Variants in NRG3 observed in about 807,000 individuals in gnomAD.
NRG3 encodes pro-neuregulin-3, membrane-bound isoform.
Under a neutral mutation model 66.9 loss-of-function variants are expected in NRG3, and 31 were observed. That is an observed-to-expected ratio of 0.46 (90% CI 0.35 to 0.63). NRG3 has a LOEUF of 0.63. Among genes scored for constraint, NRG3 ranks in the 20% least tolerant of loss-of-function variants. The probability of loss-of-function intolerance (pLI) is 0.00; values close to 1 mark genes in which losing one functional copy is unlikely to be tolerated. For missense variants in NRG3, 910 were observed against 878.9 expected, an observed-to-expected ratio of 1.04 and a Z score of -0.45; for synonymous variants, 393 against 359.4, an observed-to-expected ratio of 1.09 and a Z score of -1.06.
At chr10:82,408,462 C>T (rs1043357342) in intron 2 of NRG3, among the ~76,000 whole-genome samples, 16 of 151,952 alleles carry the variant, frequency 1.1e-4, no homozygotes, top group Non-Finnish European at 2.4e-4. Context: ...TTAACTAGCT[C>T]ATGAAATAGA....
At chr10:82,280,141 A>G (rs1404487472) in intron 1 of NRG3, among the ~76,000 whole-genome samples, 1 of 151,948 alleles carries the variant, frequency 6.6e-6, no homozygotes, top group African/African-American at 2.4e-5. Context: ...TCAGACATCT[A>G]AGAACCTCTC....
At chr10:81,876,250 C>T in intron 1 of NRG3, 87 bp downstream of exon 1, 1 of 1,470,426 alleles carries the variant, frequency 6.8e-7, no homozygotes, top group African/African-American at 1.4e-5. Context: ...CGCCTGTTTT[C>T]TAGCAAGCCC....
At chr10:82,558,224 A>C (rs529633507) in intron 2 of NRG3, among the ~76,000 whole-genome samples, 17 of 152,286 alleles carry the variant, frequency 1.1e-4, no homozygotes, top group South Asian at 6.2e-4. Context: ...GTGAGGAAGG[A>C]GATGGCTCAG....
At chr10:82,893,815 T>G (rs1843399322) in intron 4 of NRG3, among the ~76,000 whole-genome samples, 1 of 152,106 alleles carries the variant, frequency 6.6e-6, no homozygotes, top group Non-Finnish European at 1.5e-5. Flanking sequence ...TGGCTCAGTG[T>G]AATAAACCAA....
At chr10:82,447,300 G>A (rs2090779333) in intron 2 of NRG3, among the ~76,000 whole-genome samples, 2 of 152,058 alleles carry the variant, frequency 1.3e-5, no homozygotes, top group South Asian at 4.2e-4. Flanking sequence ...CAGCAGTCGG[G>A]GAGGCCAGGC....
intron 2 of NRG3, among the ~76,000 whole-genome samples, chr10:82,515,494 T>C (rs1845570732): frequency 6.6e-6 from 1 of 152,198 alleles, no homozygotes; most frequent in Non-Finnish European, 1.5e-5. Context: ...CTCTATTGTT[T>C]CACCAGTTTT....
chr10:82,891,925 C>T (rs971918837), intron 4 of NRG3, among the ~76,000 whole-genome samples: 4 of 151,910 alleles, frequency 2.6e-5, no homozygotes, highest in Admixed American at 1.3e-4. Flanking sequence ...TCTGCTATTG[C>T]AGTAAGAAAG....
chr10:82,441,768 A>T (rs2090445434), intron 2 of NRG3, among the ~76,000 whole-genome samples: 1 of 152,200 alleles, frequency 6.6e-6, no homozygotes, highest in Non-Finnish European at 1.5e-5. Flanking sequence ...AGGGAAAGGG[A>T]ATCTTCACCA....
At chr10:82,205,541 A>G (rs1052511718) in intron 1 of NRG3, among the ~76,000 whole-genome samples, 1 of 152,226 alleles carries the variant, frequency 6.6e-6, no homozygotes, top group Admixed American at 6.5e-5. Context: ...AAGACAGTCC[A>G]GGAAGGAGGT....
chr10:81,963,189 A>C lies in NRG3; in HGVS notation c.823+87026A>C, dbSNP rs915419222. Among the ~76,000 whole-genome samples the C allele has an allele frequency of 7.0e-5, 8 of 114,938 alleles. 1 individual carries two copies. Among genetic ancestry groups the C allele is most frequent in the Non-Finnish European group, 9.8e-5 (6 of 61,014 alleles). The allele number at this position is 114,938 out of a possible 152,430, so 75.4% of individuals were successfully genotyped here. ...CGCTCTGTCGCCCAGGCTGGAGTGC[A>C]GTGGCGGGATCTCGGCTCACTGCAA... On this transcript the variant is annotated intron_variant, in intron 1 of 8. Transcript: ENST00000372141.
chr10:82,420,932 G>C (rs777082065), intron 2 of NRG3, among the ~76,000 whole-genome samples: 66 of 152,200 alleles, frequency 4.3e-4, no homozygotes, highest in Non-Finnish European at 8.2e-4. Context: ...ATGACATTCT[G>C]AAAATGTAAA....
At chr10:82,185,942 A>G (rs2133284463) in intron 1 of NRG3, among the ~76,000 whole-genome samples, 1 of 152,294 alleles carries the variant, frequency 6.6e-6, no homozygotes, top group South Asian at 2.1e-4. Context: ...GCATCTTTTT[A>G]AAAATATTAT....
intron 1 of NRG3, among the ~76,000 whole-genome samples, chr10:81,885,750 G>A (rs180832768): frequency 1.3e-5 from 2 of 152,216 alleles, no homozygotes; most frequent in Non-Finnish European, 2.9e-5. Context: ...TCAACATCCT[G>A]TAAGACTGTA....
At chr10:82,207,710 G>T (rs1046105663) in intron 1 of NRG3, among the ~76,000 whole-genome samples, 1 of 152,122 alleles carries the variant, frequency 6.6e-6, no homozygotes, top group African/African-American at 2.4e-5. Flanking sequence ...AAGGGGAAGC[G>T]GGCATAGACC....
At chr10:82,521,471 G>C (rs994717642) in intron 2 of NRG3, among the ~76,000 whole-genome samples, 3 of 152,010 alleles carry the variant, frequency 2.0e-5, no homozygotes, top group Admixed American at 1.3e-4. Context: ...CTCCCGAGTA[G>C]CTGGGACCAC....
At chr10:82,288,386 C>T (rs1387456534) in intron 1 of NRG3, among the ~76,000 whole-genome samples, 3 of 152,052 alleles carry the variant, frequency 2.0e-5, no homozygotes, top group East Asian at 1.9e-4. Context: ...ATGGGAAGGG[C>T]GCAAAGCTCA....
intron 4 of NRG3, among the ~76,000 whole-genome samples, chr10:82,891,225 T>C (rs1337542851): frequency 6.6e-6 from 1 of 151,764 alleles, no homozygotes; most frequent in African/African-American, 2.4e-5. Context: ...TTGAAAAGTA[T>C]TGATAAATAT....
intron 3 of NRG3, among the ~76,000 whole-genome samples, chr10:82,777,555 C>T (rs762786764): frequency 3.9e-5 from 6 of 152,032 alleles, no homozygotes; most frequent in Non-Finnish European, 8.8e-5. Flanking sequence ...CTTAGGCACT[C>T]CTCAGTAGCT....
chr10:82,869,701 G>T (rs1310809074), intron 4 of NRG3, among the ~76,000 whole-genome samples: 2 of 151,512 alleles, frequency 1.3e-5, no homozygotes, highest in South Asian at 2.1e-4. Context: ...TCCGCCTCAG[G>T]GGTTCACGCC....
Sources: allele counts gnomAD v4.1 joint callset (sites outside exome capture counted in the v4.1 genomes callset), GRCh38; gene constraint gnomAD v4.1.1; transcripts MANE v1.5; gene names NCBI Gene and HGNC (gene_info 2026-07-23, HGNC 2026-07-21).